The following CHRNA2 variants were observed in gnomAD, a reference collection of about 807,000 sequenced individuals.
CHRNA2 encodes neuronal acetylcholine receptor subunit alpha-2.
CHRNA2 carries 40 observed loss-of-function variants against 45.5 expected under a neutral mutation model. The ratio of observed to expected loss-of-function variants is 0.88; its 90% CI spans 0.68 to 1.15. The LOEUF (loss-of-function observed/expected upper bound fraction) is 1.15, where lower values mean the gene tolerates loss of function less well. CHRNA2 is among the 50% of genes most tolerant of loss of function. The pLI, the probability that CHRNA2 is intolerant of heterozygous loss-of-function variation, is 0.00. For missense variants in CHRNA2, 655 were observed against 701.7 expected (o/e 0.93, Z 0.75); for synonymous variants, 301 against 296.7 (o/e 1.01, Z -0.15).
Position 27,461,711 on chromosome 8 carries a change from A to G in CHRNA2, c.1508T>C (p.Ile503Thr). 1 of 1,614,222 alleles carries G rather than the reference A, an allele frequency of 6.2e-7. No homozygotes were observed. The highest frequency in any genetic ancestry group is 8.5e-7 in the Non-Finnish European group (1 of 1,180,028). The stretch of plus-strand genomic sequence containing the variant: ...GACGATGATAAACAGCCAGAGGAAG[A>G]TCCTGTCGATGACCATGGCAACATA... ...WKYVAMVIDR[I>T]FLWLFIIVCF... Residue 503 changes from isoleucine (I) to threonine (T), a missense_variant, in exon 7 of 7, where the codon ATC (isoleucine) becomes ACC (threonine). By Grantham distance (89) the Ile-to-Thr change is moderately conservative (BLOSUM62 -1). This residue lies in a region of CHRNA2 where 295 missense variants were observed against 280.4 expected (regional missense o/e 1.05). Coordinates refer to ENST00000407991, the MANE Select transcript of CHRNA2 (RefSeq NM_000742.4).
chr8:27,462,796 G>A (rs1812537891), intron 6 of CHRNA2, among the ~76,000 whole-genome samples, 183 bp downstream of exon 6: 1 of 152,210 alleles, frequency 6.6e-6, no homozygotes, highest in Non-Finnish European at 1.5e-5. Context: ...GCCAATAAAC[G>A]TCCTCAAAGC....
In CHRNA2 at chr8:27,460,623, C is replaced by T. The variant is rs145560154; in HGVS notation, c.*1006G>A. 757 of 152,350 alleles carry T rather than the reference C, an allele frequency of 5.0e-3. 24 individuals are homozygous for T. Among genetic ancestry groups the T allele is most frequent in the Admixed American group, 0.042 (647 of 15,310 alleles). 9.4% of individuals were successfully genotyped at this position (152,350 alleles called of 1,614,324 possible). A position where few individuals can be genotyped will look rare whatever the true frequency, so the allele number is the denominator to read the frequency against. On this transcript the variant is annotated 3_prime_UTR_variant, in exon 7 of 7. Coordinates refer to ENST00000407991, the MANE Select transcript of CHRNA2 (RefSeq NM_000742.4). The stretch of plus-strand genomic sequence containing the variant: ...AAAGATCTTCAACTCCCAAGTGAGG[C>T]CTCCTCCTGATGGAGCCAGGCACAG...
intron 1 of CHRNA2, among the ~76,000 whole-genome samples, chr8:27,471,800 C>G (rs920459951): frequency 2.2e-4 from 34 of 152,202 alleles, no homozygotes; most frequent in Non-Finnish European, 1.6e-4. Context: ...GAATACAACT[C>G]CTAAGATACT....
At chr8:27,470,455 A>AT (rs1435287441) in intron 2 of CHRNA2, among the ~76,000 whole-genome samples, 3 of 152,166 alleles carry the variant, frequency 2.0e-5, no homozygotes, top group Non-Finnish European at 1.5e-5. Flanking sequence ...AACCTCCCCA[A>AT]TTTTTTCTTA....
chr8:27,475,186 C>T (rs1259063302), intron 1 of CHRNA2: 2 of 152,210 alleles, frequency 1.3e-5, no homozygotes, highest in African/African-American at 4.8e-5. Context: ...CAAGCCCTCC[C>T]CTCATCTCAC....
chr8:27,468,302 A>G (rs1241569921), intron 4 of CHRNA2, among the ~76,000 whole-genome samples: 2 of 152,108 alleles, frequency 1.3e-5, no homozygotes, highest in African/African-American at 4.8e-5. Flanking sequence ...CATACACCGC[A>G]TGACTGGGTA....
At position 27,471,108 on chromosome 8, in the gene CHRNA2, C is replaced by T. The variant is rs761883301; in HGVS notation, c.-50G>A. The T allele has an allele frequency of 1.3e-5, 20 of 1,523,968 alleles. No individual in the cohort carries two copies. The South Asian group carries it at 1.5e-4, about 11-fold the overall frequency. 94.4% of individuals were successfully genotyped at this position (1,523,968 alleles called of 1,614,324 possible). ...CAGGTCAGGGCTTTGCTGTGGGTTG[C>T]ACCATGGACCATGTCCCCAGCAGAG... is the stretch of plus-strand genomic sequence containing the variant. On this transcript the variant is annotated 5_prime_UTR_variant, in exon 2 of 7. Coordinates refer to ENST00000407991, the MANE Select transcript of CHRNA2 (RefSeq NM_000742.4).
At position 27,463,289 on chromosome 8, in the gene CHRNA2, G is replaced by C; in HGVS notation, c.1154C>G (p.Pro385Arg). 1 of 1,609,416 alleles carries C rather than the reference G, an allele frequency of 6.2e-7. No individual in the cohort carries two copies. Among genetic ancestry groups the C allele is most frequent in the South Asian group, 1.1e-5 (1 of 90,956 alleles). Residue 385 changes from proline to arginine, a missense_variant, in exon 6 of 7, where the codon CCA (proline) becomes CGA (arginine). Physicochemically the swap from Pro to Arg is moderately radical, Grantham distance 103. Coordinates refer to ENST00000407991, the MANE Select transcript of CHRNA2 (RefSeq NM_000742.4). This position sits in a 1 kb window ranked among gnomAD's most constrained non-coding sequence, Gnocchi z 6.1. ...TAGGGGGTGGCAGAGCTCCACGGGTGGTGGGGGCCGGTTCATCAGAAGCCA... is the reference window on the plus strand; with the variant it reads ...TAGGGGGTGGCAGAGCTCCACGGGTCGTGGGGGCCGGTTCATCAGAAGCCA... ...PRWLLMNRPP[P>R]PVELCHPLRL...
chr8:27,461,429 A>G lies in CHRNA2; in HGVS notation c.*200T>C. The stretch of plus-strand genomic sequence containing the variant: ...TCCCCAGCTCCTCCGTATCCAAAAC[A>G]GGGCTTTGCACCCAGCAGGCTGTCA... On this transcript the variant is annotated 3_prime_UTR_variant, in exon 7 of 7. Transcript: ENST00000407991. The G allele has an allele frequency of 2.8e-6, 2 of 703,754 alleles. No individual in the cohort carries two copies. 43.6% of individuals were successfully genotyped at this position (703,754 alleles called of 1,614,324 possible). A position where few individuals can be genotyped will look rare whatever the true frequency, so the allele number is the denominator to read the frequency against.
At chr8:27,473,858 C>T (rs80336328) in intron 1 of CHRNA2, among the ~76,000 whole-genome samples, 2,445 of 152,284 alleles carry the variant, frequency 0.016, 67 homozygotes, top group African/African-American at 0.056. Context: ...ATCACTAATC[C>T]TCCATCTCTC....
In CHRNA2 at chr8:27,463,009, G is replaced by T. The variant is rs56344740; in HGVS notation, c.1434C>A (p.Asp478Glu). ...AGTCAGCATCCTCAGACCGCAGGTG[G>T]TCGGCAATGTAGTGCACACCTTCCA... ...KALEGVHYIA[D>E]HLRSEDADSS... The change falls in exon 6 of 7, where the codon GAC (aspartate) becomes GAA (glutamate). Residue 478 changes from aspartate to glutamate, a missense_variant. Transcript: ENST00000407991. This position sits in a 1 kb window ranked among gnomAD's most constrained non-coding sequence, Gnocchi z 6.1. The T allele has an allele frequency of 4.7e-3, 7,655 of 1,614,098 alleles. 24 individuals carry two copies. The highest frequency in any genetic ancestry group is 6.0e-3 in the Non-Finnish European group (7,125 of 1,180,034).
chr8:27,473,475 G>A (rs1368051337), intron 1 of CHRNA2, among the ~76,000 whole-genome samples: 2 of 151,866 alleles, frequency 1.3e-5, no homozygotes, highest in African/African-American at 2.4e-5. Flanking sequence ...CAAGATGGAA[G>A]GAGTGTTTGA....
intron 6 of CHRNA2, 55 bp downstream of exon 6, chr8:27,462,924 C>T: frequency 6.2e-7 from 1 of 1,610,444 alleles, no homozygotes; most frequent in Non-Finnish European, 8.5e-7. Context: ...TAAGGTGGTT[C>T]CCCGCTAAGT....
intron 5 of CHRNA2, among the ~76,000 whole-genome samples, chr8:27,466,378 A>G (rs1812699376): frequency 2.0e-5 from 3 of 152,224 alleles, no homozygotes; most frequent in Admixed American, 1.3e-4. Context: ...TCTTTGCTGC[A>G]GAACTTCAAA....
intron 6 of CHRNA2, among the ~76,000 whole-genome samples, chr8:27,461,995 C>T (rs965654817): frequency 8.5e-5 from 13 of 152,364 alleles, no homozygotes; most frequent in African/African-American, 2.9e-4. Context: ...CATGCCCAGA[C>T]CTGTCCATAT....
chr8:27,472,662 G>A (rs1008033862), intron 1 of CHRNA2, among the ~76,000 whole-genome samples: 4 of 152,052 alleles, frequency 2.6e-5, no homozygotes, highest in Admixed American at 6.6e-5. Context: ...AGGAGGGATG[G>A]GAAGTGACTG....
rs938965770 is a variant in CHRNA2, at chr8:27,479,014, A to G, written c.-327T>C. 4 of 152,184 alleles carry G rather than the reference A, an allele frequency of 2.6e-5. No individual in the cohort carries two copies. The highest frequency in any genetic ancestry group is 9.7e-5 in the African/African-American group (4 of 41,386). 9.4% of individuals were successfully genotyped at this position (152,184 alleles called of 1,614,324 possible). Reference sequence around the variant, plus strand: ...TAGGAGACACCCCGTCGAGCAGAAGACTTACATGAGAGGCATTTGGCTTCC... The same window carrying G: ...TAGGAGACACCCCGTCGAGCAGAAGGCTTACATGAGAGGCATTTGGCTTCC... On this transcript the variant is annotated 5_prime_UTR_variant, in exon 1 of 7. Transcript: ENST00000407991.
chr8:27,469,701 G>C, intron 3 of CHRNA2, 60 bp downstream of exon 3: 1 of 1,594,040 alleles, frequency 6.3e-7, no homozygotes, highest in Non-Finnish European at 8.6e-7. Context: ...GGAGCAGGGG[G>C]AAAGCGGTGG....
rs190255317 is a variant in CHRNA2 at position 27,469,706 on chromosome 8, C to T, written c.294+55G>A. ...GGTAGAGGAAGGAGCAGGGGGAAAG[C>T]GGTGGGTGGTCTGGGATCTCCTTCC... On this transcript the variant is annotated intron_variant, in intron 3 of 6. Transcript: ENST00000407991. 6.7e-5 allele frequency: 107 copies of T among 1,597,260 alleles called. 1 individual carries two copies. The highest frequency in any genetic ancestry group is 4.0e-4 in the East Asian group (18 of 44,820).
Sources: gnomAD v4.1 joint callset for allele counts (sites outside exome capture counted in the v4.1 genomes callset) on GRCh38, gnomAD v4.1.1 for gene constraint, gnomAD v4.1.1 regional missense constraint, Gnocchi (gnomAD v3.1) non-coding constraint, MANE v1.5 for transcripts, NCBI Gene and HGNC (gene_info 2026-07-23, HGNC 2026-07-21) for gene names.